RIMS2: variants seen among roughly 807,000 people sequenced by gnomAD.
RIMS2 encodes the protein regulating synaptic membrane exocytosis 2.
A neutral mutation model predicts 174.4 loss-of-function variants in RIMS2; 59 were observed. The observed-to-expected ratio is 0.34, with a 90% CI of 0.27 to 0.42. The LOEUF (loss-of-function observed/expected upper bound fraction) is 0.42, where lower values mean the gene tolerates loss of function less well. Ranked by LOEUF, RIMS2 falls within the 10% of genes least tolerant of loss-of-function variation. The pLI, the probability that RIMS2 is intolerant of heterozygous loss-of-function variation, is 1.00. For synonymous variants in RIMS2, 606 were observed against 572.5 expected (o/e 1.06, Z -0.84); for missense variants, 1,620 against 1,666.3 (o/e 0.97, Z 0.48).
intron 2 of RIMS2, among the ~76,000 whole-genome samples, chr8:103,705,233 T>C (rs918049514): frequency 6.6e-6 from 1 of 152,128 alleles, no homozygotes; most frequent in Admixed American, 6.5e-5. Flanking sequence ...TGTTGTTTTA[T>C]TTCCATGTAT....
chr8:104,059,247 A>G lies in RIMS2; in HGVS notation c.3334+44632A>G, dbSNP rs543843643. Among the ~76,000 whole-genome samples the G allele has an allele frequency of 4.0e-5, 6 of 150,278 alleles. No homozygotes were observed. The South Asian group carries it at 1.3e-3, about 32-fold the overall frequency. The stretch of plus-strand genomic sequence containing the variant: ...CTTTGTATCCTCTTTTATTTCCTTG[A>G]GCAGTGGTTTGTAGTTCTCCTTGAA... On this transcript the variant is annotated intron_variant, in intron 19 of 23. Coordinates refer to ENST00000504942, the Ensembl canonical transcript of RIMS2.
intron 1 of RIMS2, among the ~76,000 whole-genome samples, chr8:103,571,218 AAAG>A (rs2092781716): frequency 6.6e-6 from 1 of 152,218 alleles, no homozygotes; most frequent in South Asian, 2.1e-4. Context: ...TTGAATGAAT[AAAG>A]AATGTCACTT....
chr8:103,876,597 C>T (rs1345060469), intron 3 of RIMS2, among the ~76,000 whole-genome samples: 1 of 151,056 alleles, frequency 6.6e-6, no homozygotes. Flanking sequence ...CCCTCACCCC[C>T]TTCCCACCCT....
chr8:103,757,281 T>C (rs1489936795), intron 2 of RIMS2, among the ~76,000 whole-genome samples: 2 of 152,204 alleles, frequency 1.3e-5, no homozygotes, highest in African/African-American at 4.8e-5. Flanking sequence ...CACAAACGAA[T>C]CTTGCATTTT....
At chr8:103,808,270 C>T (rs2098663839) in intron 3 of RIMS2, among the ~76,000 whole-genome samples, 1 of 152,086 alleles carries the variant, frequency 6.6e-6, no homozygotes, top group African/African-American at 2.4e-5. Context: ...TCTCTCTTGA[C>T]TTTTCTCTTA....
At chr8:104,040,812 T>C (rs1001322857) in intron 19 of RIMS2, among the ~76,000 whole-genome samples, 24 of 151,904 alleles carry the variant, frequency 1.6e-4, no homozygotes, top group African/African-American at 4.8e-4. Context: ...TTCTTTGTTT[T>C]TGTGTGCACA....
intron 1 of RIMS2, among the ~76,000 whole-genome samples, chr8:103,550,595 TAACTA>T (rs970426826): frequency 6.6e-6 from 1 of 151,414 alleles, no homozygotes; most frequent in African/African-American, 2.4e-5. Flanking sequence ...AGGCAAGAAA[TAACTA>T]AGATCAGAGC....
Position 104,251,097 on chromosome 8 carries a change from AACGCTGGAACCCCTTT to A in RIMS2, c.3768_3783del (p.Leu1257SerfsTer39). On this transcript the variant is annotated frameshift_variant, in exon 23 of 24. Coordinates refer to ENST00000504942, the Ensembl canonical transcript of RIMS2. LOFTEE classifies it high-confidence loss of function. The stretch of plus-strand genomic sequence containing the variant: ...AAAAGAAAACAAAAGTGGCAAGAAA[AACGCTGGAACCCCTTT>A]ACCAGCAGCTATTATCTTTCGAAGA... The A allele has an allele frequency of 6.2e-7, 1 of 1,613,758 alleles. No individual in the cohort carries two copies. The highest frequency in any genetic ancestry group is 8.5e-7 in the Non-Finnish European group (1 of 1,179,806).
intron 19 of RIMS2, among the ~76,000 whole-genome samples, chr8:104,071,024 G>A (rs957727009): frequency 6.6e-6 from 1 of 152,012 alleles, no homozygotes; most frequent in Non-Finnish European, 1.5e-5. Flanking sequence ...AAGGCAGAAA[G>A]GGAAACTTGA....
At chr8:103,753,401 T>A (rs2097921022) in intron 2 of RIMS2, among the ~76,000 whole-genome samples, 1 of 152,188 alleles carries the variant, frequency 6.6e-6, no homozygotes, top group African/African-American at 2.4e-5. Context: ...ATTCTCTTTT[T>A]TGGTTGTGTC....
At chr8:104,079,617 A>ATG (rs2097369829) in intron 19 of RIMS2, among the ~76,000 whole-genome samples, 2 of 130,886 alleles carry the variant, frequency 1.5e-5, no homozygotes, top group Admixed American at 7.4e-5. Context: ...ATATATATAT[A>ATG]TATATATATA....
At position 103,668,666 on chromosome 8, in the gene RIMS2, A is replaced by C. The variant is rs1181877413; in HGVS notation, c.177-28420A>C. On this transcript the variant is annotated intron_variant, in intron 1 of 23. Coordinates refer to ENST00000504942, the Ensembl canonical transcript of RIMS2. Reference sequence around the variant, plus strand: ...TGGAGTATAGACGATTTATTTATTTATTTATTTATTTATTTATGTATTTAT... The same window carrying C: ...TGGAGTATAGACGATTTATTTATTTCTTTATTTATTTATTTATGTATTTAT... 3.3e-5 allele frequency among the ~76,000 whole-genome samples: 5 copies of C among 151,222 alleles called. No individual in the cohort carries two copies. The East Asian group carries it at 9.7e-4, about 29-fold the overall frequency.
At chr8:103,635,778 A>C (rs2096061669) in intron 1 of RIMS2, among the ~76,000 whole-genome samples, 1 of 151,980 alleles carries the variant, frequency 6.6e-6, no homozygotes, top group African/African-American at 2.4e-5. Context: ...CTCAGCCCCC[A>C]GTCATGTCAC....
chr8:104,133,205 T>C (rs2098487235), intron 19 of RIMS2, among the ~76,000 whole-genome samples: 1 of 152,158 alleles, frequency 6.6e-6, no homozygotes, highest in South Asian at 2.1e-4. Flanking sequence ...TGAAGCTGAG[T>C]TGGAGAAGAG....
intron 2 of RIMS2, among the ~76,000 whole-genome samples, chr8:103,759,945 A>G (rs1399903621): frequency 6.6e-6 from 1 of 152,212 alleles, no homozygotes; most frequent in Non-Finnish European, 1.5e-5. Context: ...AGAACAGCCA[A>G]AAAAGGAGCA....
At chr8:104,167,584 A>G (rs2098805397) in intron 19 of RIMS2, among the ~76,000 whole-genome samples, 1 of 152,172 alleles carries the variant, frequency 6.6e-6, no homozygotes, top group East Asian at 1.9e-4. Flanking sequence ...GTCCTTTGTC[A>G]GATGCAAAAT....
intron 19 of RIMS2, among the ~76,000 whole-genome samples, chr8:104,145,306 A>T (rs974866000): frequency 6.6e-6 from 1 of 152,028 alleles, no homozygotes; most frequent in African/African-American, 2.4e-5. Flanking sequence ...GAAATCTATC[A>T]CTGAGATCCC....
At chr8:103,535,869 T>C (rs1400009060) in intron 1 of RIMS2, among the ~76,000 whole-genome samples, 3 of 152,206 alleles carry the variant, frequency 2.0e-5, no homozygotes, top group African/African-American at 4.8e-5. Flanking sequence ...ATGTGTATCA[T>C]TTTATTATAG....
chr8:103,503,399 T>C (rs1304717055), intron 1 of RIMS2, among the ~76,000 whole-genome samples: 1 of 151,980 alleles, frequency 6.6e-6, no homozygotes, highest in Non-Finnish European at 1.5e-5. Flanking sequence ...GACAGTTTAC[T>C]AAATAATACA....
Sources: gnomAD v4.1 joint callset for allele counts (sites outside exome capture counted in the v4.1 genomes callset) on GRCh38, gnomAD v4.1.1 for gene constraint, MANE v1.5 for transcripts, NCBI Gene and HGNC (gene_info 2026-07-23, HGNC 2026-07-21) for gene names.